Variants in PDCD11 observed in about 807,000 individuals in gnomAD.
PDCD11 encodes programmed cell death 11.
A neutral mutation model predicts 198.9 loss-of-function variants in PDCD11; 97 were observed. That is an observed-to-expected ratio of 0.49 (90% CI 0.41 to 0.58). The LOEUF (loss-of-function observed/expected upper bound fraction) is 0.58. Ranked by LOEUF, PDCD11 falls within the 20% of genes least tolerant of loss-of-function variation. The probability of loss-of-function intolerance (pLI) is 0.00; values close to 1 mark genes in which losing one functional copy is unlikely to be tolerated. For synonymous variants in PDCD11, 893 were observed against 918.0 expected, an observed-to-expected ratio of 0.97 and a Z score of 0.49; for missense variants, 2,102 against 2,312.7, an observed-to-expected ratio of 0.91 and a Z score of 1.87.
chr10:103,413,321 G>A lies in PDCD11; in HGVS notation c.1184G>A (p.Arg395Gln), dbSNP rs147977386. 31 of 1,613,116 alleles carry A rather than the reference G, an allele frequency of 1.9e-5. No individual in the cohort carries two copies. Among genetic ancestry groups the A allele is most frequent in the South Asian group, 5.5e-5 (5 of 91,036 alleles). Residue 395 changes from arginine (R) to glutamine (Q), a missense_variant and splice_region_variant, in exon 9 of 36, where the codon CGG (arginine) becomes CAG (glutamine). Arg to Gln is a conservative substitution (Grantham distance 43). Coordinates refer to ENST00000369797, the MANE Select transcript of PDCD11 (RefSeq NM_014976.2). The part of the protein sequence containing the change: ...RLKDGVLAYA[R>Q]LSHLSDSKNV... ...AAGGATGGGGTTCTGGCCTATGCCC[G>A]GGTAAGGAGGCCTCTTTGTTTGGTC...
intron 20 of PDCD11, among the ~76,000 whole-genome samples, chr10:103,426,078 C>A (rs2031682697): frequency 6.6e-6 from 1 of 152,136 alleles, no homozygotes; most frequent in Non-Finnish European, 1.5e-5. Context: ...TACTTAAGTC[C>A]AAATTTTATT....
At chr10:103,421,125 C>T (rs1225506302) in intron 16 of PDCD11, among the ~76,000 whole-genome samples, 1 of 152,118 alleles carries the variant, frequency 6.6e-6, no homozygotes, top group Admixed American at 6.5e-5. Context: ...CTGCCCGCCT[C>T]GGCCTCCCGA....
At chr10:103,422,127 G>T (rs1243252247) in intron 17 of PDCD11, among the ~76,000 whole-genome samples, 1 of 149,182 alleles carries the variant, frequency 6.7e-6, no homozygotes, top group Non-Finnish European at 1.5e-5. Flanking sequence ...TGTCGCCTGG[G>T]ATGGAGTGTG....
Position 103,444,055 on chromosome 10 carries a change from G to T in PDCD11, c.5265G>T (p.Leu1755=), listed in dbSNP as rs1249867628. The change falls in exon 34 of 36, where the codon CTG becomes CTT. Residue 1755 remains leucine (L), a synonymous_variant. Coordinates refer to ENST00000369797, the MANE Select transcript of PDCD11 (RefSeq NM_014976.2). ...HRVLQRALEC[L]PSKEHVDVIA... Reference sequence around the variant, plus strand: ...TGCTGCAGCGAGCCCTGGAGTGCCTGCCTAGCAAGGAGCGTGAGTGCTCAT... The same window carrying T: ...TGCTGCAGCGAGCCCTGGAGTGCCTTCCTAGCAAGGAGCGTGAGTGCTCAT... The T allele has an allele frequency of 2.5e-6, 4 of 1,611,740 alleles. No homozygotes were observed. The Admixed American group carries it at 5.0e-5, about 20-fold the overall frequency.
In PDCD11 at chr10:103,427,366, A is replaced by G. The variant is rs2031741163; in HGVS notation, c.3343A>G (p.Ile1115Val). ...AAGTCACCCCAGATTCGTTCGAACC[A>G]TCCCGGAGCTGAGTGTTCGGCCAAG... ...PISHPRFVRT[I>V]PELSVRPSEL... Residue 1115 changes from isoleucine (I) to valine (V), a missense_variant, in exon 21 of 36, where the codon ATC (isoleucine) becomes GTC (valine). By Grantham distance (29) the Ile-to-Val change is conservative. Transcript: ENST00000369797. 5.0e-6 allele frequency: 8 copies of G among 1,612,760 alleles called. No homozygotes were observed. The highest frequency in any genetic ancestry group is 6.8e-6 in the Non-Finnish European group (8 of 1,179,362).
At chr10:103,411,184 A>G (rs2030783942) in intron 8 of PDCD11, among the ~76,000 whole-genome samples, 1 of 150,888 alleles carries the variant, frequency 6.6e-6, no homozygotes, top group Middle Eastern at 3.4e-3. Flanking sequence ...CCCAAAGTGC[A>G]GGGATTACAG....
intron 25 of PDCD11, 32 bp from the exon 26 acceptor site, chr10:103,437,983 T>A (rs2032220798): frequency 6.3e-7 from 1 of 1,597,284 alleles, no homozygotes; most frequent in African/African-American, 1.3e-5. Context: ...TGCTGAAAAT[T>A]GAGCGTTTCC....
chr10:103,404,173 G>T (rs756897887), intron 4 of PDCD11, among the ~76,000 whole-genome samples: 24 of 151,938 alleles, frequency 1.6e-4, no homozygotes, highest in Non-Finnish European at 3.1e-4. Flanking sequence ...ATTTTCGGTA[G>T]AGACAGGGCT....
intron 9 of PDCD11, 57 bp downstream of exon 9, chr10:103,413,379 A>G (rs1043443474): frequency 1.4e-6 from 2 of 1,392,346 alleles, no homozygotes; most frequent in Admixed American, 1.8e-5. Flanking sequence ...CTTCTGGAGC[A>G]CAGGGGGCCA....
intron 27 of PDCD11, 145 bp from the exon 28 acceptor site, chr10:103,439,601 A>G (rs530537273): frequency 2.3e-6 from 2 of 865,618 alleles, no homozygotes; most frequent in African/African-American, 3.3e-5. Context: ...TACAAAGCCC[A>G]CTTCATCCTG....
chr10:103,442,278 T>C lies in PDCD11; in HGVS notation c.4773T>C (p.Ile1591=). The change falls in exon 32 of 36, where the codon ATT becomes ATC. Residue 1591 remains isoleucine (I), a synonymous_variant. Coordinates refer to ENST00000369797, the MANE Select transcript of PDCD11 (RefSeq NM_014976.2). ...KQKAEKELSR[I]EEALMDPGRQ... is the part of the protein sequence containing the mutation. ...AGGCAGAGAAGGAACTGTCCCGCAT[T>C]GAGGAGGCGCTGATGGATCCTGGGC... 3 of 1,614,138 alleles carry C rather than the reference T, an allele frequency of 1.9e-6. No homozygotes were observed. Among genetic ancestry groups the C allele is most frequent in the Non-Finnish European group, 2.5e-6 (3 of 1,179,998 alleles).
At chr10:103,400,553 A>G (rs763883045) in intron 3 of PDCD11, 25 bp downstream of exon 3, 9 of 1,603,272 alleles carry the variant, frequency 5.6e-6, no homozygotes, top group Non-Finnish European at 6.8e-6. Context: ...GTTTTCATTT[A>G]AACAATCGAC....
Position 103,425,081 on chromosome 10 carries a change from C to T in PDCD11, c.2861C>T (p.Ser954Phe), listed in dbSNP as rs767576269. 2 of 1,614,240 alleles carry T rather than the reference C, an allele frequency of 1.2e-6. No individual in the cohort carries two copies. The highest frequency in any genetic ancestry group is 1.7e-6 in the Non-Finnish European group (2 of 1,180,048). ...GAGACGGGCCACCTGGCAGCTTTCT[C>T]CCTGACCTCTCACCTCAACGACACC... ...LVETGHLAAFSLTSHLNDTFR... is the reference protein window; with the variant it reads ...LVETGHLAAFFLTSHLNDTFR... Residue 954 changes from serine (S) to phenylalanine (F), a missense_variant, in exon 20 of 36, where the codon TCC (serine) becomes TTC (phenylalanine). Physicochemically the swap from Ser to Phe is radical, Grantham distance 155. Coordinates refer to ENST00000369797, the MANE Select transcript of PDCD11 (RefSeq NM_014976.2).
At chr10:103,433,808 G>A in intron 22 of PDCD11, 140 bp from the exon 23 acceptor site, 4 of 661,080 alleles carry the variant, frequency 6.1e-6, no homozygotes, top group East Asian at 2.7e-5. Context: ...TTGGGCAAGG[G>A]CAGTGGGATG....
chr10:103,401,326 G>T (rs760929812), intron 3 of PDCD11, among the ~76,000 whole-genome samples: 6 of 152,014 alleles, frequency 3.9e-5, no homozygotes, highest in South Asian at 2.1e-4. Context: ...AGTCTGGAGT[G>T]CAGTGATGTG....
In PDCD11 at chr10:103,440,720, A is replaced by G; in HGVS notation, c.4441-14A>G. On this transcript the variant is annotated splice_polypyrimidine_tract_variant and intron_variant, in intron 29 of 35. Transcript: ENST00000369797. ...GGAGGATGCTCCTAGGCATTCTCCC[A>G]CCTGGCCTCTCAGGAAAGAGTGAGC... The G allele has an allele frequency of 6.2e-7, 1 of 1,613,916 alleles. No individual in the cohort carries two copies. The highest frequency in any genetic ancestry group is 8.5e-7 in the Non-Finnish European group (1 of 1,179,860).
At chr10:103,410,591 CTTTTCTTTTCTTTTT>C (rs1009967658) in intron 8 of PDCD11, among the ~76,000 whole-genome samples, 18 of 140,548 alleles carry the variant, frequency 1.3e-4, no homozygotes, top group South Asian at 4.6e-4. Context: ...GGTGATTTTT[CTTTTCTTTTCTTTTT>C]TTTTTTTTTC....
intron 7 of PDCD11, among the ~76,000 whole-genome samples, chr10:103,408,385 A>G (rs1447227953): frequency 6.6e-6 from 1 of 152,114 alleles, no homozygotes. Flanking sequence ...ATCCAGAAGC[A>G]TCCTGGGAGA....
chr10:103,425,134 G>A lies in PDCD11; in HGVS notation c.2914G>A (p.Val972Met), dbSNP rs372519084. Residue 972 changes from valine to methionine, a missense_variant, in exon 20 of 36, where the codon GTG (valine) becomes ATG (methionine). Coordinates refer to ENST00000369797, the MANE Select transcript of PDCD11 (RefSeq NM_014976.2). ...CCGCTTTGACTCAGAGAAATTGCAGGTGGGACAGGGTGTCTCCCTAACCCT... is the reference window on the plus strand; with the variant it reads ...CCGCTTTGACTCAGAGAAATTGCAGATGGGACAGGGTGTCTCCCTAACCCT... Reference protein sequence around the residue: ...TFRFDSEKLQVGQGVSLTLKT... With the variant: ...TFRFDSEKLQMGQGVSLTLKT... 1.2e-6 allele frequency: 2 copies of A among 1,614,092 alleles called. No homozygotes were observed. Among genetic ancestry groups the A allele is most frequent in the Non-Finnish European group, 1.7e-6 (2 of 1,180,052 alleles).
Sources: allele counts gnomAD v4.1 joint callset (sites outside exome capture counted in the v4.1 genomes callset), GRCh38; gene constraint gnomAD v4.1.1; transcripts MANE v1.5; gene names NCBI Gene and HGNC (gene_info 2026-07-23, HGNC 2026-07-21).